Variants in HECW1 observed in about 807,000 individuals in gnomAD.
The protein encoded by HECW1 is E3 ubiquitin-protein ligase HECW1.
HECW1 carries 61 observed loss-of-function variants against 182.3 expected under a neutral mutation model. That is an observed-to-expected ratio of 0.33 (90% CI 0.27 to 0.41). HECW1 has a LOEUF of 0.41. Among genes scored for constraint, HECW1 ranks in the 10% least tolerant of loss-of-function variants. HECW1 has a pLI of 1.00. For synonymous variants in HECW1, 859 were observed against 832.6 expected (o/e 1.03, Z -0.55); for missense variants, 1,739 against 2,108.9 (o/e 0.82, Z 3.44).
At chr7:43,288,547 G>A (rs1804964453) in intron 3 of HECW1, among the ~76,000 whole-genome samples, 1 of 152,160 alleles carries the variant, frequency 6.6e-6, no homozygotes, top group Admixed American at 6.5e-5. Context: ...AGAGCTTTGA[G>A]GCCCCGCTCT....
At chr7:43,131,520 C>A (rs1231725051) in intron 2 of HECW1, among the ~76,000 whole-genome samples, 1 of 152,056 alleles carries the variant, frequency 6.6e-6, no homozygotes, top group East Asian at 1.9e-4. Context: ...ACAGTGTATA[C>A]AAATCATTGA....
intron 16 of HECW1, among the ~76,000 whole-genome samples, chr7:43,479,381 C>T (rs189167037): frequency 3.9e-5 from 6 of 152,236 alleles, no homozygotes; most frequent in Non-Finnish European, 5.9e-5. Context: ...AGGTGGAGCT[C>T]AAGTGGTAAT....
At chr7:43,250,339 G>T (rs551562974) in intron 3 of HECW1, among the ~76,000 whole-genome samples, 1 of 152,258 alleles carries the variant, frequency 6.6e-6, no homozygotes, top group African/African-American at 2.4e-5. Flanking sequence ...TTGTAGATGG[G>T]AGCATGGACC....
chr7:43,114,292 C>T lies in HECW1; in HGVS notation c.-131C>T, dbSNP rs563311979. 108 of 1,363,558 alleles carry T rather than the reference C, an allele frequency of 7.9e-5. No individual in the cohort carries two copies. The highest frequency in any genetic ancestry group is 7.8e-4 in the Middle Eastern group (4 of 5,142). 84.5% of individuals were successfully genotyped at this position (1,363,558 alleles called of 1,614,324 possible). On this transcript the variant is annotated 5_prime_UTR_variant, in exon 2 of 30. Coordinates refer to ENST00000395891, the MANE Select transcript of HECW1 (RefSeq NM_015052.5). ...AGATGCCCTACCCGAAAAGGCCAAC[C>T]GTTAAAGACCCCGGCAGTGTTGTGG...
In HECW1 at chr7:43,112,679, G is replaced by C; in HGVS notation, c.-525G>C. On this transcript the variant is annotated 5_prime_UTR_variant, in exon 1 of 30. Coordinates refer to ENST00000395891, the MANE Select transcript of HECW1 (RefSeq NM_015052.5). ...GCGCTGTTGTTGGAGCCGGAACACCGTGCGACTCTGACCGAACCGGCCCCC... is the reference window on the plus strand; with the variant it reads ...GCGCTGTTGTTGGAGCCGGAACACCCTGCGACTCTGACCGAACCGGCCCCC... The C allele has an allele frequency of 4.3e-6, 1 of 230,118 alleles. No individual in the cohort carries two copies. The highest frequency in any genetic ancestry group is 6.1e-5 in the East Asian group (1 of 16,358). 14.3% of individuals were successfully genotyped at this position (230,118 alleles called of 1,614,324 possible).
intron 9 of HECW1, chr7:43,439,432 A>G (rs2076810432): frequency 6.6e-6 from 1 of 152,130 alleles, no homozygotes; most frequent in Admixed American, 6.5e-5. Flanking sequence ...GGTTCCTAGG[A>G]CTGATTCTGT....
intron 6 of HECW1, among the ~76,000 whole-genome samples, chr7:43,376,341 C>T (rs972788502): frequency 2.6e-5 from 4 of 152,122 alleles, no homozygotes; most frequent in African/African-American, 9.7e-5. Context: ...TTTTGATCAT[C>T]TCTGACTGCA....
chr7:43,309,269 T>G (rs964691539), intron 3 of HECW1, among the ~76,000 whole-genome samples: 2 of 151,988 alleles, frequency 1.3e-5, no homozygotes, highest in African/African-American at 4.8e-5. Flanking sequence ...CAAGTAGGAA[T>G]GGGGAGGATG....
chr7:43,269,936 C>G (rs1802204299), intron 3 of HECW1, among the ~76,000 whole-genome samples: 1 of 152,112 alleles, frequency 6.6e-6, no homozygotes, highest in Admixed American at 6.6e-5. Flanking sequence ...TTATCTGGCT[C>G]AAAATGTAAA....
intron 3 of HECW1, among the ~76,000 whole-genome samples, chr7:43,305,734 G>A (rs957045427): frequency 6.6e-6 from 1 of 151,680 alleles, no homozygotes; most frequent in Admixed American, 6.6e-5. Flanking sequence ...CAGCAGCTGC[G>A]ATTACAGGCG....
chr7:43,527,884 T>A (rs2080821625), intron 24 of HECW1, among the ~76,000 whole-genome samples: 1 of 152,024 alleles, frequency 6.6e-6, no homozygotes, highest in Non-Finnish European at 1.5e-5. Context: ...GTGAAAAAAA[T>A]TTCAACTGTT....
intron 2 of HECW1, among the ~76,000 whole-genome samples, chr7:43,207,564 T>G (rs1310416224): frequency 6.6e-6 from 1 of 152,192 alleles, no homozygotes; most frequent in African/African-American, 2.4e-5. Flanking sequence ...CTATAGAACC[T>G]AGAACTGATC....
intron 7 of HECW1, among the ~76,000 whole-genome samples, chr7:43,403,039 T>C (rs953621674): frequency 2.0e-5 from 3 of 152,220 alleles, no homozygotes; most frequent in African/African-American, 4.8e-5. Flanking sequence ...CTCTTAAGAA[T>C]TGGGTATTCA....
At chr7:43,469,226 G>C (rs930151007) in intron 16 of HECW1, 121 bp downstream of exon 16, 1 of 1,051,158 alleles carries the variant, frequency 9.5e-7, no homozygotes, top group African/African-American at 1.6e-5. Flanking sequence ...GCTATCGGCC[G>C]CCAGCAGTAA....
chr7:43,435,949 G>A (rs2152870108), intron 8 of HECW1, among the ~76,000 whole-genome samples: 1 of 152,290 alleles, frequency 6.6e-6, no homozygotes, highest in Middle Eastern at 3.4e-3. Flanking sequence ...CGGATCACGA[G>A]GTCAGGAGAT....
chr7:43,444,492 G>A lies in HECW1; in HGVS notation c.1320G>A (p.Glu440=), dbSNP rs1326171113. The A allele has an allele frequency of 1.2e-6, 2 of 1,612,692 alleles. No individual in the cohort carries two copies. Among genetic ancestry groups the A allele is most frequent in the Non-Finnish European group, 1.7e-6 (2 of 1,179,476 alleles). The part of the protein sequence containing the change: ...MVSVGPEGAG[E]LLAQVQKDIQ... Reference sequence around the variant, plus strand: ...CTGTGGGACCTGAAGGGGCTGGGGAGCTCCTGGCCCAGGTGCAAAAGGACA... The same window carrying A: ...CTGTGGGACCTGAAGGGGCTGGGGAACTCCTGGCCCAGGTGCAAAAGGACA... Residue 440 remains glutamate, a synonymous_variant, in exon 11 of 30, where the codon GAG becomes GAA. Transcript: ENST00000395891. The surrounding 1 kb of genome is among the most constrained non-coding windows in gnomAD (Gnocchi z 4.3).
chr7:43,560,147 C>T (rs2082163101), intron 29 of HECW1, among the ~76,000 whole-genome samples: 1 of 152,198 alleles, frequency 6.6e-6, no homozygotes, highest in South Asian at 2.1e-4. Context: ...TTTCACCCCA[C>T]TTCGCCTGTT....
Position 43,564,286 on chromosome 7 carries a change from C to CA in HECW1, c.*2361dup, listed in dbSNP as rs1332336665. 2 of 188,600 alleles carry CA rather than the reference C, an allele frequency of 1.1e-5. No individual in the cohort carries two copies. The highest frequency in any genetic ancestry group is 2.3e-5 in the African/African-American group (1 of 42,868). The allele number at this position is 188,600 out of a possible 1,614,324, so 11.7% of individuals were successfully genotyped here. ...ATTCAAGCACTCTCTTTCTAGTACT[C>CA]ACATTATTTGTCAGGCATTGGAAAA... On this transcript the variant is annotated 3_prime_UTR_variant, in exon 30 of 30. Transcript: ENST00000395891.
intron 21 of HECW1, among the ~76,000 whole-genome samples, chr7:43,502,526 G>A (rs2079407193): frequency 6.6e-6 from 1 of 152,108 alleles, no homozygotes; most frequent in Non-Finnish European, 1.5e-5. Context: ...GCCAGGTGTG[G>A]TGGTGCACGC....
Sources: gnomAD v4.1 joint callset for allele counts (sites outside exome capture counted in the v4.1 genomes callset) on GRCh38, gnomAD v4.1.1 for gene constraint, Gnocchi (gnomAD v3.1) non-coding constraint, MANE v1.5 for transcripts, NCBI Gene and HGNC (gene_info 2026-07-23, HGNC 2026-07-21) for gene names.